Variants in BRIP1 observed in about 807,000 individuals in gnomAD.
BRIP1 encodes the protein Fanconi anemia group J protein.
Under a neutral mutation model 119.7 loss-of-function variants are expected in BRIP1, and 88 were observed. The ratio of observed to expected loss-of-function variants is 0.74; its 90% CI spans 0.62 to 0.88. The LOEUF (loss-of-function observed/expected upper bound fraction) is 0.88. Ranked by LOEUF, BRIP1 falls within the 40% of genes least tolerant of loss-of-function variation. The pLI is 0.00. For missense variants in BRIP1, 1,259 were observed against 1,455.4 expected, an observed-to-expected ratio of 0.87 and a Z score of 2.20; for synonymous variants, 443 against 496.5, an observed-to-expected ratio of 0.89 and a Z score of 1.43.
chr17:61,785,516 G>C (rs982676076), intron 10 of BRIP1, among the ~76,000 whole-genome samples: 3 of 152,038 alleles, frequency 2.0e-5, no homozygotes, highest in Non-Finnish European at 4.4e-5. Flanking sequence ...TTAATATTCA[G>C]ATATATCATG....
rs1567850221 is a variant in BRIP1, at chr17:61,823,795, C to T, written c.628-15038G>A. Among the ~76,000 whole-genome samples the T allele has an allele frequency of 6.7e-6, 1 of 149,700 alleles. No individual in the cohort carries two copies. Among genetic ancestry groups the T allele is most frequent in the Non-Finnish European group, 1.5e-5 (1 of 67,668 alleles). Reference sequence around the variant, plus strand: ...ACACACACACACACACACACACACACACCTTAGTTGAATTGCTGAAAGCAG... The same window carrying T: ...ACACACACACACACACACACACACATACCTTAGTTGAATTGCTGAAAGCAG... On this transcript the variant is annotated intron_variant, in intron 6 of 19. Coordinates refer to ENST00000259008, the MANE Select transcript of BRIP1 (RefSeq NM_032043.3). The surrounding 1 kb of genome is among the most constrained non-coding windows in gnomAD (Gnocchi z 4.8).
intron 14 of BRIP1, among the ~76,000 whole-genome samples, chr17:61,747,946 C>T (rs1410462672): frequency 6.6e-6 from 1 of 151,208 alleles, no homozygotes; most frequent in Non-Finnish European, 1.5e-5. Context: ...CTATATTGCC[C>T]AGGTTGGTCT....
Position 61,793,827 on chromosome 17 carries a change from G to A in BRIP1, c.1341-98C>T, listed in dbSNP as rs2145248551. On this transcript the variant is annotated intron_variant, in intron 9 of 19. Coordinates refer to ENST00000259008, the MANE Select transcript of BRIP1 (RefSeq NM_032043.3). The surrounding 1 kb of genome is among the most constrained non-coding windows in gnomAD (Gnocchi z 5.2). The stretch of plus-strand genomic sequence containing the variant: ...CATCATTATTGTCATGCGTTGATCT[G>A]TATATCTTGACATTCTTAGGACATG... 7.9e-7 allele frequency: 1 copy of A among 1,264,196 alleles called. No homozygotes were observed. The highest frequency in any genetic ancestry group is 1.1e-6 in the Non-Finnish European group (1 of 929,214). 78.3% of individuals were successfully genotyped at this position (1,264,196 alleles called of 1,614,324 possible). A position where few individuals can be genotyped will look rare whatever the true frequency, so the allele number is the denominator to read the frequency against.
In BRIP1 at chr17:61,862,684, T is replaced by C. The variant is rs772628251; in HGVS notation, c.-31+600A>G. Among the ~76,000 whole-genome samples the C allele has an allele frequency of 7.2e-5, 11 of 152,232 alleles. No homozygotes were observed. The highest frequency in any genetic ancestry group is 1.3e-4 in the Non-Finnish European group (9 of 68,046). On this transcript the variant is annotated intron_variant, in intron 1 of 19. Transcript: ENST00000259008. This position sits in a 1 kb window ranked among gnomAD's most constrained non-coding sequence, Gnocchi z 5.3. ...AATCAAAATAGCGGGGGAAATTACA[T>C]GCACTGTTATTAAATAAGGAATTAT...
At chr17:61,728,921 C>T (rs1180087058) in intron 16 of BRIP1, among the ~76,000 whole-genome samples, 1 of 152,070 alleles carries the variant, frequency 6.6e-6, no homozygotes, top group African/African-American at 2.4e-5. Flanking sequence ...GAAGGTGACA[C>T]ATTTATTTAG....
At chr17:61,763,166 C>T (rs768626565) in intron 14 of BRIP1, among the ~76,000 whole-genome samples, 17 of 152,124 alleles carry the variant, frequency 1.1e-4, no homozygotes, top group Non-Finnish European at 1.9e-4. Flanking sequence ...GTGTATTTGC[C>T]GTTTTTATGA....
In BRIP1 at chr17:61,847,693, C is replaced by T. The variant is rs955125391; in HGVS notation, c.508-473G>A. 6.3e-4 allele frequency among the ~76,000 whole-genome samples: 96 copies of T among 152,170 alleles called. 1 individual carries two copies. Among genetic ancestry groups the T allele is most frequent in the African/African-American group, 2.3e-3 (96 of 41,442 alleles). ...TACTCGATTACTATTATCACTGTTA[C>T]TTACTAGATATTTGATAAACCAAGT... is the stretch of plus-strand genomic sequence containing the variant. On this transcript the variant is annotated intron_variant, in intron 5 of 19. Coordinates refer to ENST00000259008, the MANE Select transcript of BRIP1 (RefSeq NM_032043.3).
chr17:61,765,408 TATATATATATA>T (rs2077350347), intron 14 of BRIP1, among the ~76,000 whole-genome samples: 12 of 17,240 alleles, frequency 7.0e-4, no homozygotes, highest in African/African-American at 1.6e-3. Context: ...TATATATATA[TATATATATATA>T]TATATTTTTT....
At position 61,683,963 on chromosome 17, in the gene BRIP1, T is replaced by C. The variant is rs1060501762; in HGVS notation, c.3083A>G (p.Asn1028Ser). ...GAAACGGGGAGGACTAGAGGCACTA[T>C]TCTCTGATGACCCGAGCTCAGGTGT... ...KATPELGSSE[N>S]SASSPPRFKT... The change falls in exon 20 of 20, where the codon AAT becomes AGT. Residue 1028 changes from asparagine (N) to serine (S), a missense_variant. Coordinates refer to ENST00000259008, the MANE Select transcript of BRIP1 (RefSeq NM_032043.3). The surrounding 1 kb of genome is among the most constrained non-coding windows in gnomAD (Gnocchi z 4.7). The C allele has an allele frequency of 1.2e-6, 2 of 1,614,190 alleles. No individual in the cohort carries two copies. The highest frequency in any genetic ancestry group is 1.7e-6 in the Non-Finnish European group (2 of 1,180,032).
Position 61,823,851 on chromosome 17 carries a change from G to A in BRIP1, c.628-15094C>T, listed in dbSNP as rs897214399. On this transcript the variant is annotated intron_variant, in intron 6 of 19. Coordinates refer to ENST00000259008, the MANE Select transcript of BRIP1 (RefSeq NM_032043.3). This position sits in a 1 kb window ranked among gnomAD's most constrained non-coding sequence, Gnocchi z 4.8. ...AAAATAGAATTTTTTTTTTTGAGAC[G>A]GAGTTTCGCAGTTGTTGCCCAAAGT... Among the ~76,000 whole-genome samples the A allele has an allele frequency of 3.3e-5, 5 of 150,330 alleles. No homozygotes were observed. The highest frequency in any genetic ancestry group is 3.9e-4 in the East Asian group (2 of 5,114).
Position 61,691,529 on chromosome 17 carries a change from C to T in BRIP1, c.2575+1901G>A, listed in dbSNP as rs11651510. ...AGAGTGCAGTGGCGCGGTCTTGGCT[C>T]ACTGCAACCTCCGCCTCCCAGGTTC... On this transcript the variant is annotated intron_variant, in intron 18 of 19. Coordinates refer to ENST00000259008, the MANE Select transcript of BRIP1 (RefSeq NM_032043.3). This position sits in a 1 kb window ranked among gnomAD's most constrained non-coding sequence, Gnocchi z 5.0. 0.22 allele frequency among the ~76,000 whole-genome samples: 32,986 copies of T among 152,072 alleles called. 4,297 individuals are homozygous for T. The highest frequency in any genetic ancestry group is 0.42 in the Admixed American group (6,380 of 15,270).
intron 14 of BRIP1, among the ~76,000 whole-genome samples, chr17:61,772,996 C>A (rs908041658): frequency 4.6e-5 from 7 of 151,754 alleles, no homozygotes; most frequent in African/African-American, 1.7e-4. Context: ...TCATTATAAC[C>A]ATTCTAACAT....
rs28997569 is a variant in BRIP1 at position 61,808,595 on chromosome 17, G to C, written c.790C>G (p.Arg264Gly). Residue 264 changes from arginine to glycine, a missense_variant, in exon 7 of 20, where the codon CGG (arginine) becomes GGG (glycine). Arg to Gly is a moderately radical substitution (Grantham distance 125, BLOSUM62 -2). Coordinates refer to ENST00000259008, the MANE Select transcript of BRIP1 (RefSeq NM_032043.3). The surrounding 1 kb of genome is among the most constrained non-coding windows in gnomAD (Gnocchi z 4.1). The part of the protein sequence containing the change: ...KQIAQITREL[R>G]RTAYSGVPMT... ...GGAACCCCTGAATATGCCGTCCTCC[G>C]GAGCTCTCTAGTAATCTGAGCAATC... The C allele has an allele frequency of 6.2e-7, 1 of 1,613,862 alleles. No homozygotes were observed. Among genetic ancestry groups the C allele is most frequent in the Admixed American group, 1.7e-5 (1 of 60,004 alleles).
At position 61,752,504 on chromosome 17, in the gene BRIP1, G is replaced by A. The variant is rs548118884; in HGVS notation, c.2098-7913C>T. Among the ~76,000 whole-genome samples the A allele has an allele frequency of 9.2e-5, 14 of 152,300 alleles. 1 individual carries two copies. In the South Asian group the frequency reaches 1.0e-3, roughly 11 times the overall value. On this transcript the variant is annotated intron_variant, in intron 14 of 19. Coordinates refer to ENST00000259008, the MANE Select transcript of BRIP1 (RefSeq NM_032043.3). This position sits in a 1 kb window ranked among gnomAD's most constrained non-coding sequence, Gnocchi z 6.2. ...CTTAGCAAAATTATATTTCAACTTA[G>A]ATATTTTTGTCTAATACAAATACAA...
chr17:61,810,241 AAAG>A lies in BRIP1; in HGVS notation c.628-1487_628-1485del, dbSNP rs1234441361. 6.6e-6 allele frequency among the ~76,000 whole-genome samples: 1 copy of A among 152,254 alleles called. No individual in the cohort carries two copies. The highest frequency in any genetic ancestry group is 1.9e-4 in the East Asian group (1 of 5,198). On this transcript the variant is annotated intron_variant, in intron 6 of 19. Coordinates refer to ENST00000259008, the MANE Select transcript of BRIP1 (RefSeq NM_032043.3). The surrounding 1 kb of genome is among the most constrained non-coding windows in gnomAD (Gnocchi z 4.7). ...AATTACTTATTCACTAAAAGGATAA[AAAG>A]AAGAGTTATGAATGGGGCTCTTGTC...
chr17:61,730,772 G>A lies in BRIP1; in HGVS notation c.2379+12241C>T, dbSNP rs1322729886. ...TATTAGGAGAAAAAGGTTATCAACC[G>A]AACTTGCTTAAAATTTTGGGATTTT... On this transcript the variant is annotated intron_variant, in intron 16 of 19. Coordinates refer to ENST00000259008, the MANE Select transcript of BRIP1 (RefSeq NM_032043.3). This position sits in a 1 kb window ranked among gnomAD's most constrained non-coding sequence, Gnocchi z 4.3. Among the ~76,000 whole-genome samples the A allele has an allele frequency of 2.0e-5, 3 of 152,022 alleles. No homozygotes were observed. The highest frequency in any genetic ancestry group is 3.8e-4 in the East Asian group (2 of 5,200).
At chr17:61,781,614 T>C (rs1454408633) in intron 11 of BRIP1, among the ~76,000 whole-genome samples, 2 of 151,866 alleles carry the variant, frequency 1.3e-5, no homozygotes, top group Non-Finnish European at 2.9e-5. Flanking sequence ...ATCTAGAAAA[T>C]GGTTAAGCTT....
intron 16 of BRIP1, among the ~76,000 whole-genome samples, chr17:61,716,729 G>A (rs2061870560): frequency 8.0e-6 from 1 of 124,902 alleles, no homozygotes; most frequent in Non-Finnish European, 1.7e-5. Flanking sequence ...CCCCCAATCT[G>A]TACCATTTTG....
chr17:61,787,318 C>A (rs1442172093), intron 10 of BRIP1, among the ~76,000 whole-genome samples: 4 of 104,114 alleles, frequency 3.8e-5, no homozygotes, highest in Non-Finnish European at 5.4e-5. Context: ...ATATTATATA[C>A]TATATAAAAT....
Sources: allele counts gnomAD v4.1 joint callset (sites outside exome capture counted in the v4.1 genomes callset), GRCh38; gene constraint gnomAD v4.1.1; non-coding constraint Gnocchi (gnomAD v3.1); transcripts MANE v1.5; gene names NCBI Gene and HGNC (gene_info 2026-07-23, HGNC 2026-07-21).